The following COX15 variants were observed in gnomAD, a reference collection of about 807,000 sequenced individuals.
The protein encoded by COX15 is cytochrome c oxidase assembly factor COX15.
COX15 carries 51 observed loss-of-function variants against 51.9 expected under a neutral mutation model. The observed-to-expected ratio is 0.98, with a 90% CI of 0.78 to 1.24. The LOEUF is 1.24. Ranked by LOEUF, COX15 falls within the 50% of genes most tolerant of loss-of-function variation. The pLI is 0.00. For synonymous variants in COX15, 188 were observed against 190.5 expected, an observed-to-expected ratio of 0.99 and a Z score of 0.11; for missense variants, 420 against 501.1, an observed-to-expected ratio of 0.84 and a Z score of 1.55.
chr10:99,721,853 T>C (rs2036784150), intron 5 of COX15, among the ~76,000 whole-genome samples: 1 of 151,994 alleles, frequency 6.6e-6, no homozygotes, highest in Non-Finnish European at 1.5e-5. Context: ...ACAAAAAGCT[T>C]ATGTAAATAA....
chr10:99,725,654 G>A lies in COX15; in HGVS notation c.582+1314C>T, dbSNP rs558291749. On this transcript the variant is annotated intron_variant, in intron 4 of 8. Coordinates refer to ENST00000016171, the MANE Select transcript of COX15 (RefSeq NM_078470.6). ...AGCTCGCTGCAACCTCCGCCTCCCC[G>A]GTTCAATCAATTCTTCTGCCTCAGC... is the stretch of plus-strand genomic sequence containing the variant. Among the ~76,000 whole-genome samples the A allele has an allele frequency of 1.6e-4, 25 of 152,192 alleles. No homozygotes were observed. In the Middle Eastern group the frequency reaches 0.01, roughly 62 times the overall value.
chr10:99,727,678 C>G, intron 2 of COX15, 115 bp from the exon 3 acceptor site: 2 of 1,264,774 alleles, frequency 1.6e-6, no homozygotes, highest in Non-Finnish European at 1.1e-6. Context: ...ACATTGTTTC[C>G]TTGTTTCCTC....
chr10:99,707,604 A>G (rs1469691386), downstream of COX15, among the ~76,000 whole-genome samples: 2 of 152,182 alleles, frequency 1.3e-5, no homozygotes, highest in East Asian at 3.8e-4. Flanking sequence ...AATCTTACCA[A>G]CCACTCTTGT....
At chr10:99,700,821 G>A in the COX15 span, 59 of 699,030 alleles carry the variant, frequency 8.4e-5, no homozygotes, top group East Asian at 1.8e-4. Flanking sequence ...GGGGTATGAC[G>A]CAGTGTTTAG....
chr10:99,730,150 A>T (rs2037090621), intron 1 of COX15, among the ~76,000 whole-genome samples: 1 of 152,212 alleles, frequency 6.6e-6, no homozygotes, highest in South Asian at 2.1e-4. Context: ...GGTCTGCAAT[A>T]GGTCACTCCC....
chr10:99,706,512 T>A (rs948852248), downstream of COX15, among the ~76,000 whole-genome samples: 2 of 43,978 alleles, frequency 4.5e-5, no homozygotes, highest in Admixed American at 5.6e-4. Context: ...ATTTTTTATT[T>A]TATTTTTTTA....
At position 99,711,428 on chromosome 10, in the gene COX15, T is replaced by C. The variant is rs1161087193; in HGVS notation, c.*3159A>G. On this transcript the variant is annotated 3_prime_UTR_variant, in exon 9 of 9. Transcript: ENST00000016171. ...ACAGTTCCCTTTCTTTGAAGGATTC[T>C]ATCCAGAAGAGACCATATCCTACTA... The C allele has an allele frequency of 2.0e-6, 2 of 985,302 alleles. No individual in the cohort carries two copies. The highest frequency in any genetic ancestry group is 2.4e-6 in the Non-Finnish European group (2 of 829,934). The allele number at this position is 985,302 out of a possible 1,614,324, so 61.0% of individuals were successfully genotyped here.
At chr10:99,707,642 T>G (rs951041840), downstream of COX15, among the ~76,000 whole-genome samples, 3 of 152,206 alleles carry the variant, frequency 2.0e-5, no homozygotes, top group South Asian at 6.2e-4. Context: ...CTGAACTGTT[T>G]TAGGACTCTT....
In COX15 at chr10:99,724,130, C is replaced by G. The variant is rs769233217; in HGVS notation, c.583-7G>C. The G allele has an allele frequency of 6.2e-7, 1 of 1,613,880 alleles. No homozygotes were observed. The highest frequency in any genetic ancestry group is 1.3e-5 in the African/African-American group (1 of 74,898). ...TATACCATCCCAACAGACCCTAGAA[C>G]CCCCAAGAGATGAAGCAAACAAAAC... On this transcript the variant is annotated splice_region_variant and splice_polypyrimidine_tract_variant and intron_variant, in intron 4 of 8. Coordinates refer to ENST00000016171, the MANE Select transcript of COX15 (RefSeq NM_078470.6).
chr10:99,704,738 T>C, the COX15 span: 3 of 1,486,478 alleles, frequency 2.0e-6, no homozygotes, highest in Non-Finnish European at 2.8e-6. Flanking sequence ...CTCATTGAAT[T>C]CCTCCACTTT....
At chr10:99,729,409 G>A (rs2037063260) in intron 2 of COX15, 144 bp downstream of exon 2, 9 of 863,388 alleles carry the variant, frequency 1.0e-5, no homozygotes, top group Admixed American at 4.1e-5. Flanking sequence ...GCAGTCAGCC[G>A]AGATCACACC....
rs1265537355 is a variant in COX15 at position 99,732,032 on chromosome 10, A to G, written c.18T>C (p.Phe6=). 2 of 1,613,182 alleles carry G rather than the reference A, an allele frequency of 1.2e-6. No homozygotes were observed. Among genetic ancestry groups the G allele is most frequent in the South Asian group, 1.1e-5 (1 of 90,836 alleles). ...TCCCCTTCAAGGCCCTCAACGGCGGAAAGAGCAATCGCTGCATACTGATGA... is the reference window on the plus strand; with the variant it reads ...TCCCCTTCAAGGCCCTCAACGGCGGGAAGAGCAATCGCTGCATACTGATGA... The part of the protein sequence containing the change: MQRLL[F]PPLRALKGRQ... Residue 6 remains phenylalanine (F), a synonymous_variant, in exon 1 of 9, where the codon TTT becomes TTC. Coordinates refer to ENST00000016171, the MANE Select transcript of COX15 (RefSeq NM_078470.6).
At chr10:99,716,748 T>C (rs1185456772) in intron 7 of COX15, 1 of 362,062 alleles carries the variant, frequency 2.8e-6, no homozygotes, top group Non-Finnish European at 5.4e-6. Flanking sequence ...CCAATGTGGG[T>C]GTCCCCCTCA....
the COX15 span, among the ~76,000 whole-genome samples, chr10:99,703,599 A>T: frequency 6.6e-6 from 1 of 152,266 alleles, no homozygotes; most frequent in Non-Finnish European, 1.5e-5. Context: ...TGTTCTAGCC[A>T]GGTGGACCAT....
At chr10:99,704,432 A>AATTC in the COX15 span, 8 of 1,613,388 alleles carry the variant, frequency 5.0e-6, no homozygotes, top group African/African-American at 1.3e-5. Context: ...TCCACCTACA[A>AATTC]ATTCTTAATT....
At chr10:99,719,859 G>A (rs970685275) in intron 6 of COX15, among the ~76,000 whole-genome samples, 2 of 152,096 alleles carry the variant, frequency 1.3e-5, no homozygotes, top group Admixed American at 1.3e-4. Flanking sequence ...AAATAAAAGT[G>A]TTGAGTGGCT....
At chr10:99,698,633 C>G in the COX15 span, 1 of 1,614,202 alleles carries the variant, frequency 6.2e-7, no homozygotes, top group Admixed American at 1.7e-5. Context: ...ACAGCCAAGT[C>G]TTACATGTCC....
At chr10:99,725,665 T>G (rs2036926636) in intron 4 of COX15, among the ~76,000 whole-genome samples, 1 of 152,204 alleles carries the variant, frequency 6.6e-6, no homozygotes, top group African/African-American at 2.4e-5. Flanking sequence ...GTTCAATCAA[T>G]TCTTCTGCCT....
At chr10:99,721,133 C>G in intron 5 of COX15, 65 bp from the exon 6 acceptor site, 1 of 1,339,640 alleles carries the variant, frequency 7.5e-7, no homozygotes, top group Non-Finnish European at 1.1e-6. Context: ...CAGCAAAGAT[C>G]TCTAAGGCCA....
Sources: gnomAD v4.1 joint callset for allele counts (sites outside exome capture counted in the v4.1 genomes callset) on GRCh38, gnomAD v4.1.1 for gene constraint, MANE v1.5 for transcripts, NCBI Gene and HGNC (gene_info 2026-07-23, HGNC 2026-07-21) for gene names.